SCG5: variants seen among roughly 807,000 people sequenced by gnomAD.
SCG5 encodes neuroendocrine protein 7B2.
Under a neutral mutation model 25.7 loss-of-function variants are expected in SCG5, and 18 were observed. That is an observed-to-expected ratio of 0.70 (90% CI 0.48 to 1.04). SCG5 has a LOEUF of 1.04. SCG5 is among the 50% of genes least tolerant of loss of function. The pLI is 0.00. For synonymous variants in SCG5, 101 were observed against 91.7 expected (o/e 1.10, Z -0.58); for missense variants, 206 against 259.8 (o/e 0.79, Z 1.42).
At chr15:32,652,780 T>C (rs1280071034) in intron 2 of SCG5, among the ~76,000 whole-genome samples, 1 of 152,226 alleles carries the variant, frequency 6.6e-6, no homozygotes. Flanking sequence ...CTCACTGATA[T>C]GTCTTTTGAT....
rs373136570 is a variant in SCG5 at position 32,656,620 on chromosome 15, T to C, written c.226+12802T>C. Among the ~76,000 whole-genome samples, 40 of 152,338 alleles carry C rather than the reference T, an allele frequency of 2.6e-4. No homozygotes were observed. The South Asian group carries it at 5.6e-3, about 21-fold the overall frequency. ...GGTAGACTAGTACAATCCTGTGATA[T>C]TTAGCTGAGAAACTATAATGTGCTG... On this transcript the variant is annotated intron_variant, in intron 2 of 5. Transcript: ENST00000300175.
At position 32,660,617 on chromosome 15, in the gene SCG5, T is replaced by G. The variant is rs139925856; in HGVS notation, c.226+16799T>G. 3.7e-3 allele frequency among the ~76,000 whole-genome samples: 566 copies of G among 152,336 alleles called. 2 individuals are homozygous for G. Among genetic ancestry groups the G allele is most frequent in the African/African-American group, 0.013 (541 of 41,578 alleles). ...TGAGCCTAGGTCATTCACATGTAGC[T>G]TTGGTGAGTAATGAGAGATGCACGC... On this transcript the variant is annotated intron_variant, in intron 2 of 5. Coordinates refer to ENST00000300175, the MANE Select transcript of SCG5 (RefSeq NM_001144757.3).
intron 2 of SCG5, among the ~76,000 whole-genome samples, chr15:32,656,507 C>T (rs1452987963): frequency 1.3e-5 from 2 of 152,214 alleles, no homozygotes; most frequent in Admixed American, 6.5e-5. Context: ...ACAATCACAC[C>T]GCTTAAGCTT....
intron 2 of SCG5, among the ~76,000 whole-genome samples, chr15:32,658,768 C>T (rs1367729941): frequency 1.3e-5 from 2 of 152,176 alleles, no homozygotes; most frequent in African/African-American, 4.8e-5. Context: ...TTGGATGGGA[C>T]GGTGGGTTGG....
At position 32,692,733 on chromosome 15, in the gene SCG5, C is replaced by G. The variant is rs180914005; in HGVS notation, c.543+970C>G. Among the ~76,000 whole-genome samples the G allele has an allele frequency of 6.4e-3, 973 of 152,256 alleles. 9 individuals are homozygous for G. Among genetic ancestry groups the G allele is most frequent in the Non-Finnish European group, 6.9e-3 (466 of 68,004 alleles). On this transcript the variant is annotated intron_variant, in intron 5 of 5. Transcript: ENST00000300175. ...CTGGATCCTCACAAAATTTGGGAAT[C>G]TGGGCAGTGGTAATTGTGGCCATTC...
At chr15:32,654,498 G>T (rs2054082492) in intron 2 of SCG5, among the ~76,000 whole-genome samples, 1 of 152,172 alleles carries the variant, frequency 6.6e-6, no homozygotes, top group African/African-American at 2.4e-5. Context: ...TCTTCTGTCT[G>T]TCCAGCACAT....
At chr15:32,692,178 T>G (rs1318547989) in intron 5 of SCG5, 1 of 1,020,520 alleles carries the variant, frequency 9.8e-7, no homozygotes, top group Non-Finnish European at 1.2e-6. Flanking sequence ...AGTGCTGAAC[T>G]GCATGCTCCA....
chr15:32,693,012 T>C (rs1415241768), intron 5 of SCG5, among the ~76,000 whole-genome samples: 1 of 152,188 alleles, frequency 6.6e-6, no homozygotes, highest in African/African-American at 2.4e-5. Context: ...TAGCAGATGG[T>C]GACAGAAAGG....
intron 2 of SCG5, among the ~76,000 whole-genome samples, chr15:32,647,516 A>G (rs2053962314): frequency 6.6e-6 from 1 of 152,142 alleles, no homozygotes; most frequent in Non-Finnish European, 1.5e-5. Flanking sequence ...TAAAAAAAAC[A>G]TATCTTCTTT....
chr15:32,690,422 T>A (rs1200290928), intron 4 of SCG5, among the ~76,000 whole-genome samples: 1 of 152,234 alleles, frequency 6.6e-6, no homozygotes, highest in African/African-American at 2.4e-5. Flanking sequence ...AACCACAGAC[T>A]GTAGAGAATG....
intron 2 of SCG5, among the ~76,000 whole-genome samples, chr15:32,665,270 T>G (rs1345705628): frequency 6.6e-6 from 1 of 152,068 alleles, no homozygotes; most frequent in Non-Finnish European, 1.5e-5. Context: ...TGTCAAGAAA[T>G]TTTTTTCTAT....
intron 2 of SCG5, among the ~76,000 whole-genome samples, chr15:32,648,783 TAAAAA>T: frequency 7.6e-6 from 1 of 131,332 alleles, no homozygotes; most frequent in African/African-American, 2.6e-5. Context: ...TTTTTTTTTT[TAAAAA>T]AAAAACAGAG....
At chr15:32,667,436 A>G (rs1444591625) in intron 2 of SCG5, among the ~76,000 whole-genome samples, 1 of 152,230 alleles carries the variant, frequency 6.6e-6, no homozygotes, top group East Asian at 1.9e-4. Context: ...TTTAAGAATC[A>G]GAAGAATTCT....
chr15:32,658,454 G>A (rs754203848), intron 2 of SCG5, among the ~76,000 whole-genome samples: 2 of 152,212 alleles, frequency 1.3e-5, no homozygotes, highest in Non-Finnish European at 2.9e-5. Flanking sequence ...GCAGTAAGAA[G>A]TGAAAAGAAA....
At chr15:32,691,579 A>G (rs2054857652) in intron 4 of SCG5, 131 bp from the exon 5 acceptor site, 2 of 729,676 alleles carry the variant, frequency 2.7e-6, no homozygotes, top group Non-Finnish European at 4.6e-6. Context: ...CATTCCTTTC[A>G]TCTAGTTTTG....
chr15:32,652,809 G>A (rs961098052), intron 2 of SCG5, among the ~76,000 whole-genome samples: 1 of 152,112 alleles, frequency 6.6e-6, no homozygotes, highest in African/African-American at 2.4e-5. Flanking sequence ...ATTTTGGACA[G>A]CACTATTTTT....
chr15:32,660,708 T>G (rs2054201614), intron 2 of SCG5, among the ~76,000 whole-genome samples: 1 of 152,220 alleles, frequency 6.6e-6, no homozygotes, highest in African/African-American at 2.4e-5. Flanking sequence ...GAGTCAGCCC[T>G]TCTGACTGCA....
chr15:32,696,425 G>A (rs2054965169), intron 5 of SCG5, 89 bp from the exon 6 acceptor site: 9 of 996,654 alleles, frequency 9.0e-6, no homozygotes, highest in South Asian at 7.2e-5. Context: ...CCCCAGAAAC[G>A]ATTCTTGTTC....
intron 2 of SCG5, among the ~76,000 whole-genome samples, chr15:32,653,501 G>C (rs1344117360): frequency 6.6e-6 from 1 of 152,134 alleles, no homozygotes; most frequent in Non-Finnish European, 1.5e-5. Flanking sequence ...GTAAATCCTG[G>C]GTTCTCTAGA....
Sources: allele counts gnomAD v4.1 joint callset (sites outside exome capture counted in the v4.1 genomes callset), GRCh38; gene constraint gnomAD v4.1.1; transcripts MANE v1.5; gene names NCBI Gene and HGNC (gene_info 2026-07-23, HGNC 2026-07-21).